The following DNAH1 variants were observed in gnomAD, a reference collection of about 807,000 sequenced individuals.
DNAH1 encodes axonemal beta dynein heavy chain 1.
DNAH1 carries 327 observed loss-of-function variants against 484.3 expected under a neutral mutation model. That is an observed-to-expected ratio of 0.68 (90% CI 0.62 to 0.74). The LOEUF (loss-of-function observed/expected upper bound fraction) is 0.74. DNAH1 is among the 30% of genes least tolerant of loss of function. The pLI is 0.00. For missense variants in DNAH1, 5,052 were observed against 5,546.8 expected, an observed-to-expected ratio of 0.91 and a Z score of 2.83; for synonymous variants, 2,192 against 2,191.9, an observed-to-expected ratio of 1.00 and a Z score of 0.00.
rs1343520021 is a variant in DNAH1 at position 52,385,505 on chromosome 3, C to T, written c.8625+58C>T. 4.2e-6 allele frequency: 6 copies of T among 1,417,404 alleles called. No individual in the cohort carries two copies. The East Asian group carries it at 7.5e-5, about 18-fold the overall frequency. The allele number at this position is 1,417,404 out of a possible 1,614,324, so 87.8% of individuals were successfully genotyped here. On this transcript the variant is annotated intron_variant, in intron 54 of 77. Coordinates refer to ENST00000420323, the MANE Select transcript of DNAH1 (RefSeq NM_015512.5). The stretch of plus-strand genomic sequence containing the variant: ...TGACTCTGAGGAAGCTCGGCACCCC[C>T]ACACAGGCGCAGGCTCGCTAGCTGC...
chr3:52,362,644 G>A lies in DNAH1; in HGVS notation c.5094+143G>A. The A allele has an allele frequency of 1.3e-6, 1 of 770,070 alleles. No individual in the cohort carries two copies. The highest frequency in any genetic ancestry group is 2.1e-6 in the Non-Finnish European group (1 of 477,260). The allele number at this position is 770,070 out of a possible 1,614,324, so 47.7% of individuals were successfully genotyped here. ...GGTAGCCCCTTAGCCATGGAGGGGA[G>A]GCCTCAGGGCCTCAGACTTGTCCTC... On this transcript the variant is annotated intron_variant, in intron 31 of 77. Transcript: ENST00000420323. This position sits in a 1 kb window ranked among gnomAD's most constrained non-coding sequence, Gnocchi z 5.1.
Position 52,358,658 on chromosome 3 carries a change from A to G in DNAH1, c.4187A>G (p.Asp1396Gly), listed in dbSNP as rs1232596029. The change falls in exon 25 of 78, where the codon GAC (aspartate) becomes GGC (glycine). Residue 1396 changes from aspartate to glycine, a missense_variant. This residue lies in a region of DNAH1 where 2,929 missense variants were observed against 3,409.4 expected (regional missense o/e 0.86). Transcript: ENST00000420323. The surrounding 1 kb of genome is among the most constrained non-coding windows in gnomAD (Gnocchi z 4.2). Reference protein sequence around the residue: ...FSIYPSSNVEDWLREVERSMK... With the variant: ...FSIYPSSNVEGWLREVERSMK... ...ATCTACCCCTCCAGCAACGTGGAGG[A>G]CTGGCTGCGGGAGGTGGAGCGCAGC... 6.2e-7 allele frequency: 1 copy of G among 1,613,150 alleles called. No homozygotes were observed. Among genetic ancestry groups the G allele is most frequent in the East Asian group, 2.2e-5 (1 of 44,866 alleles).
intron 8 of DNAH1, among the ~76,000 whole-genome samples, chr3:52,333,138 G>C (rs944689707): frequency 6.6e-6 from 1 of 152,122 alleles, no homozygotes; most frequent in African/African-American, 2.4e-5. Flanking sequence ...CTCCCACCTT[G>C]GCTTCCCAAA....
intron 39 of DNAH1, 31 bp from the exon 40 acceptor site, chr3:52,370,446 C>A: frequency 1.2e-6 from 2 of 1,613,680 alleles, no homozygotes; most frequent in South Asian, 2.2e-5. Flanking sequence ...CTGTTCCTGT[C>A]TCAGCCTGAT....
chr3:52,375,969 GA>G lies in DNAH1; in HGVS notation c.7180del (p.Ser2394AlafsTer47). On this transcript the variant is annotated frameshift_variant, in exon 46 of 78. Coordinates refer to ENST00000420323, the MANE Select transcript of DNAH1 (RefSeq NM_015512.5). LOFTEE classifies it high-confidence loss of function. ...CCATCCTCTAGATGGACTCCTTGGA[GA>G]AAAAAGCTACCGGGAGCGTGTGCGT... The part of the protein sequence containing the change: ...LGNWLDGLLG[E>X]KSYRERVPGA... 1 of 1,612,130 alleles carries G rather than the reference GA, an allele frequency of 6.2e-7. No individual in the cohort carries two copies. The highest frequency in any genetic ancestry group is 1.1e-5 in the South Asian group (1 of 90,758).
intron 50 of DNAH1, 60 bp from the exon 51 acceptor site, chr3:52,383,326 C>A: frequency 6.8e-7 from 1 of 1,474,708 alleles, no homozygotes; most frequent in Non-Finnish European, 9.4e-7. Flanking sequence ...TCCAGCGAGA[C>A]TGTGGTCATA....
chr3:52,385,397 C>A lies in DNAH1; in HGVS notation c.8575C>A (p.Leu2859Met). Reference protein sequence around the residue: ...MQEDLESMHPLLEEAAKDTML... With the variant: ...MQEDLESMHPMLEEAAKDTML... ...GGAGGACCTGGAGAGTATGCACCCC[C>A]TGCTGGAGGAGGCTGCCAAGGACAC... The change falls in exon 54 of 78, where the codon CTG becomes ATG. Residue 2859 changes from leucine to methionine, a missense_variant. Around this residue, in one of 4 missense-constraint regions of DNAH1, gnomAD observed 2,929 missense variants for 3,409.4 expected, o/e 0.86. Coordinates refer to ENST00000420323, the MANE Select transcript of DNAH1 (RefSeq NM_015512.5). 6.4e-7 allele frequency: 1 copy of A among 1,552,904 alleles called. No individual in the cohort carries two copies. Among genetic ancestry groups the A allele is most frequent in the Non-Finnish European group, 8.7e-7 (1 of 1,147,644 alleles).
chr3:52,346,573 C>G lies in DNAH1; in HGVS notation c.1758C>G (p.Thr586=), dbSNP rs765994518. ...MSKGWYNLYE[T]NWEVYLMSKL... is the part of the protein sequence containing the mutation. The stretch of plus-strand genomic sequence containing the variant: ...AGGGCTGGTACAACCTCTACGAGAC[C>G]AACTGGGAGGTGTACCTCATGTCCA... The change falls in exon 11 of 78, where the codon ACC becomes ACG. Residue 586 remains threonine (T), a synonymous_variant. Coordinates refer to ENST00000420323, the MANE Select transcript of DNAH1 (RefSeq NM_015512.5). 4 of 1,614,050 alleles carry G rather than the reference C, an allele frequency of 2.5e-6. No individual in the cohort carries two copies. In the South Asian group the frequency reaches 3.3e-5, roughly 13 times the overall value.
intron 54 of DNAH1, 93 bp downstream of exon 54, chr3:52,385,540 G>A (rs1185633255): frequency 9.9e-7 from 1 of 1,014,198 alleles, no homozygotes; most frequent in Non-Finnish European, 1.5e-6. Context: ...CCTGGCCACT[G>A]CAAGTCATCT....
rs763437961 is a variant in DNAH1 at position 52,353,358 on chromosome 3, G to C, written c.3227-22G>C. On this transcript the variant is annotated intron_variant, in intron 19 of 77. Coordinates refer to ENST00000420323, the MANE Select transcript of DNAH1 (RefSeq NM_015512.5). This position sits in a 1 kb window ranked among gnomAD's most constrained non-coding sequence, Gnocchi z 5.0. ...CCTGCCTCTGCCGCCTGCCTCTCATGCGTTTCTGTCTTACCCGGCAGCCTG... is the reference window on the plus strand; with the variant it reads ...CCTGCCTCTGCCGCCTGCCTCTCATCCGTTTCTGTCTTACCCGGCAGCCTG... The C allele has an allele frequency of 6.2e-7, 1 of 1,608,854 alleles. No homozygotes were observed. The highest frequency in any genetic ancestry group is 8.5e-7 in the Non-Finnish European group (1 of 1,176,190).
rs537136311 is a variant in DNAH1 at position 52,318,383 on chromosome 3, G to A, written c.-35+1838G>A. The stretch of plus-strand genomic sequence containing the variant: ...TCAAACAGCCTTGCAGTGAAGTCCT[G>A]TACTTGCCAGACCAGTTTTTGGGCC... On this transcript the variant is annotated intron_variant, in intron 1 of 77. Transcript: ENST00000420323. Among the ~76,000 whole-genome samples the A allele has an allele frequency of 2.6e-5, 4 of 152,332 alleles. No individual in the cohort carries two copies. In the South Asian group the frequency reaches 8.3e-4, roughly 32 times the overall value.
At chr3:52,383,364 C>T in intron 50 of DNAH1, 22 bp from the exon 51 acceptor site, 6 of 1,609,546 alleles carry the variant, frequency 3.7e-6, no homozygotes, top group Non-Finnish European at 5.1e-6. Context: ...GCTTAGCTCC[C>T]CACTCCTTCA....
At chr3:52,343,771 G>A (rs904837880) in intron 8 of DNAH1, among the ~76,000 whole-genome samples, 11 of 152,202 alleles carry the variant, frequency 7.2e-5, no homozygotes, top group Admixed American at 5.9e-4. Context: ...AGGCCTGTCC[G>A]CAAAGGACAG....
At chr3:52,326,492 G>A (rs1033943128) in intron 4 of DNAH1, among the ~76,000 whole-genome samples, 178 bp downstream of exon 4, 2 of 152,158 alleles carry the variant, frequency 1.3e-5, no homozygotes, top group Non-Finnish European at 2.9e-5. Context: ...TTATGGAGTT[G>A]GGGAAGGTGG....
rs1401890325 is a variant in DNAH1, at chr3:52,326,336, G to A, written c.581+22G>A. On this transcript the variant is annotated intron_variant, in intron 4 of 77. Coordinates refer to ENST00000420323, the MANE Select transcript of DNAH1 (RefSeq NM_015512.5). Reference sequence around the variant, plus strand: ...AGAGGTACGGCTGGGTGGGCTGTGGGGAGACTGTCGGGGAGGTGGCATCCA... The same window carrying A: ...AGAGGTACGGCTGGGTGGGCTGTGGAGAGACTGTCGGGGAGGTGGCATCCA... 3.8e-6 allele frequency: 6 copies of A among 1,594,506 alleles called. No individual in the cohort carries two copies. In the East Asian group the frequency reaches 1.3e-4, roughly 36 times the overall value.
chr3:52,399,009 C>A lies in DNAH1; in HGVS notation c.12249C>A (p.Leu4083=), dbSNP rs751226564. ...ELWSAKAYPS[L]KPLSSWVMDL... ...GGAGTGCCAAGGCCTACCCATCGCTCAAGCCTCTGTCATCATGGGTCATGG... is the reference window on the plus strand; with the variant it reads ...GGAGTGCCAAGGCCTACCCATCGCTAAAGCCTCTGTCATCATGGGTCATGG... The change falls in exon 76 of 78, where the codon CTC becomes CTA. Residue 4083 remains leucine (L), a synonymous_variant. Coordinates refer to ENST00000420323, the MANE Select transcript of DNAH1 (RefSeq NM_015512.5). 1.2e-6 allele frequency: 2 copies of A among 1,614,002 alleles called. No individual in the cohort carries two copies. The highest frequency in any genetic ancestry group is 1.7e-6 in the Non-Finnish European group (2 of 1,179,884).
chr3:52,320,401 C>T (rs921064798), intron 1 of DNAH1, among the ~76,000 whole-genome samples: 2 of 152,220 alleles, frequency 1.3e-5, no homozygotes, highest in Admixed American at 6.5e-5. Flanking sequence ...GGAGGCAGGT[C>T]GGCCTTTGGG....
chr3:52,321,651 G>A (rs1024638215), intron 1 of DNAH1: 1 of 152,214 alleles, frequency 6.6e-6, no homozygotes, highest in Non-Finnish European at 1.5e-5. Context: ...CCTCCAGGTG[G>A]TGGATGTGCA....
rs202217531 is a variant in DNAH1 at position 52,344,490 on chromosome 3, G to A, written c.1287G>A (p.Ser429=). ...CCCCATCTCCCATCTCTATGGGCAG[G>A]GTTCTAGAGCACCTCAGCAGTCTTG... ...LSTPRMRKGP[S]VLEHLSSLAR... The change falls in exon 9 of 78, where the codon TCG becomes TCA. Residue 429 remains serine (S), a splice_region_variant and synonymous_variant. Transcript: ENST00000420323. 1.3e-3 allele frequency: 2,150 copies of A among 1,613,154 alleles called. 17 individuals carry two copies. Among genetic ancestry groups the A allele is most frequent in the East Asian group, 3.8e-3 (169 of 44,852 alleles).
Sources: allele counts gnomAD v4.1 joint callset (sites outside exome capture counted in the v4.1 genomes callset), GRCh38; gene constraint gnomAD v4.1.1; regional missense constraint gnomAD v4.1.1; non-coding constraint Gnocchi (gnomAD v3.1); transcripts MANE v1.5; gene names NCBI Gene and HGNC (gene_info 2026-07-23, HGNC 2026-07-21).